Variants in GAS5 observed in about 807,000 individuals in gnomAD.
GAS5 encodes the protein growth arrest specific 5.
intron 6 of GAS5, chr1:173,864,908 G>T (rs755110127): frequency 1.9e-6 from 1 of 518,240 alleles, no homozygotes; most frequent in Admixed American, 1.9e-5. Context: ...CATTGTATCG[G>T]CTTTACAACA....
chr1:173,864,660 A>C (rs529524244), intron 6 of GAS5: 27 of 402,040 alleles, frequency 6.7e-5, no homozygotes, highest in African/African-American at 4.8e-4. Flanking sequence ...AATTTCCTTC[A>C]AAGTTTAAAC....
intron 3 of GAS5, chr1:173,866,316 A>G (rs1311720119): frequency 9.6e-6 from 5 of 518,940 alleles, no homozygotes; most frequent in African/African-American, 7.7e-5. Flanking sequence ...CATCAGACAG[A>G]TAGTACATCT....
At chr1:173,868,599 C>T (rs1000247329), upstream of GAS5, among the ~76,000 whole-genome samples, 1 of 152,218 alleles carries the variant, frequency 6.6e-6, no homozygotes, top group Non-Finnish European at 1.5e-5. Context: ...GACCCGCCCC[C>T]TCGCGGGGCC....
At chr1:173,867,652 T>C (rs771914351), upstream of GAS5, 2 of 518,996 alleles carry the variant, frequency 3.9e-6, no homozygotes, top group East Asian at 1.1e-4. Flanking sequence ...AACAATAGCT[T>C]ACTCGGGTGA....
intron 1 of GAS5, chr1:173,866,864 T>G: frequency 1.3e-6 from 1 of 765,534 alleles, no homozygotes; most frequent in Admixed American, 1.7e-5. Context: ...TAAATATAAA[T>G]GCTGTTAACA....
chr1:173,867,873 T>G, upstream of GAS5: 1 of 437,604 alleles, frequency 2.3e-6, no homozygotes, highest in African/African-American at 2.0e-5. Flanking sequence ...GCGACTGGCT[T>G]AGAAGTCCCA....
chr1:173,868,342 G>A (rs1400166458), upstream of GAS5: 1 of 153,160 alleles, frequency 6.5e-6, no homozygotes, highest in Non-Finnish European at 1.5e-5. Context: ...CCGTGGGAGG[G>A]GGTGGGGGAT....
At chr1:173,864,578 C>T (rs911106451) in intron 6 of GAS5, 1 of 379,854 alleles carries the variant, frequency 2.6e-6, no homozygotes, top group African/African-American at 2.1e-5. Flanking sequence ...CACATTTTAA[C>T]TTTTAAACAG....
chr1:173,868,062 C>G (rs1218285471), upstream of GAS5: 1 of 171,938 alleles, frequency 5.8e-6, no homozygotes, highest in Non-Finnish European at 1.3e-5. Context: ...CCGGCAGCGT[C>G]CGCTTCGGCT....
At chr1:173,865,928 G>T in intron 4 of GAS5, 1 of 519,226 alleles carries the variant, frequency 1.9e-6, no homozygotes, top group Non-Finnish European at 3.8e-6. Context: ...AATAGCCACA[G>T]ATGAGTGTTC....
upstream of GAS5, chr1:173,867,141 T>G: frequency 1.7e-6 from 1 of 603,408 alleles, no homozygotes; most frequent in Non-Finnish European, 2.9e-6. Flanking sequence ...AAACCAATGA[T>G]GCAGGTAACA....
At chr1:173,866,983 ATTC>A (rs779694118) in intron 1 of GAS5, 2 of 765,372 alleles carry the variant, frequency 2.6e-6, no homozygotes, top group East Asian at 4.8e-5. Context: ...ACTTTCCCCA[ATTC>A]TTACCTGTCC....
chr1:173,866,792 CACA>C (rs1259447127), exon 2 of GAS5: 33 of 765,052 alleles, frequency 4.3e-5, no homozygotes, highest in Non-Finnish European at 7.7e-5. Flanking sequence ...TCCTTGGGGA[CACA>C]ACTAGAAAAC....
At chr1:173,866,811 G>C in intron 1 of GAS5, 1 of 765,218 alleles carries the variant, frequency 1.3e-6, no homozygotes, top group Non-Finnish European at 2.4e-6. Flanking sequence ...AAAACAAAAA[G>C]ATGCAAGCAA....
At chr1:173,867,897 G>A, upstream of GAS5, 1 of 390,850 alleles carries the variant, frequency 2.6e-6, no homozygotes, top group Non-Finnish European at 5.2e-6. Flanking sequence ...AATTCAGGGT[G>A]ACCTTAGCAG....
At chr1:173,867,976 C>T (rs936490620), upstream of GAS5, 1 of 332,738 alleles carries the variant, frequency 3.0e-6, no homozygotes, top group East Asian at 7.6e-5. Flanking sequence ...GGAGTCGACT[C>T]CTACCTCGAA....
chr1:173,865,193 C>CT (rs1654375700), intron 6 of GAS5: 2 of 296,192 alleles, frequency 6.8e-6, no homozygotes, highest in South Asian at 2.5e-5. Context: ...AGACTCTTGT[C>CT]TAAAAAAAAA....
upstream of GAS5, chr1:173,867,345 C>T: frequency 2.6e-6 from 1 of 386,832 alleles, no homozygotes; most frequent in Admixed American, 4.0e-5. Context: ...CATGGTGAAA[C>T]CCCGTCTCTA....
intron 4 of GAS5, chr1:173,866,012 G>A (rs528960644): frequency 1.9e-6 from 1 of 519,162 alleles, no homozygotes; most frequent in South Asian, 1.4e-5. Context: ...GTCAGCATTT[G>A]CTTATCATCA....
Sources: allele counts gnomAD v4.1 joint callset (sites outside exome capture counted in the v4.1 genomes callset), GRCh38; gene constraint gnomAD v4.1.1; transcripts MANE v1.5; gene names NCBI Gene and HGNC (gene_info 2026-07-23, HGNC 2026-07-21).